PDXDC1: variants seen among roughly 807,000 people sequenced by gnomAD.
PDXDC1 encodes the protein pyridoxal dependent decarboxylase domain containing 1.
PDXDC1 carries 42 observed loss-of-function variants against 100.1 expected under a neutral mutation model. The observed-to-expected ratio is 0.42, with a 90% CI of 0.33 to 0.54. The LOEUF (loss-of-function observed/expected upper bound fraction) is 0.54. Among genes scored for constraint, PDXDC1 ranks in the 20% least tolerant of loss-of-function variants. The probability of loss-of-function intolerance (pLI) is 0.10; values close to 1 mark genes in which losing one functional copy is unlikely to be tolerated. For synonymous variants in PDXDC1, 260 were observed against 371.7 expected (o/e 0.70, Z 3.46); for missense variants, 636 against 979.2 (o/e 0.65, Z 4.68).
chr16:15,044,700 C>G (rs773144097), intron 16 of PDXDC1: 5 of 470,046 alleles, frequency 1.1e-5, no homozygotes, highest in Non-Finnish European at 1.9e-5. Context: ...AGCACAGGCA[C>G]AGGACAGGTG....
chr16:15,131,309 G>A, intron 16 of PDXDC1: 2 of 1,574,054 alleles, frequency 1.3e-6, no homozygotes, highest in Non-Finnish European at 1.7e-6. Flanking sequence ...GCCTGTGTCT[G>A]GAACGCCATC....
intron 16 of PDXDC1, among the ~76,000 whole-genome samples, chr16:15,073,465 A>G (rs1430265550): frequency 6.6e-6 from 1 of 152,222 alleles, no homozygotes; most frequent in Non-Finnish European, 1.5e-5. Flanking sequence ...TTTAAAAAAA[A>G]AAGAAAGACA....
intron 16 of PDXDC1, among the ~76,000 whole-genome samples, chr16:15,098,649 T>C (rs1474364687): frequency 6.6e-6 from 1 of 151,530 alleles, no homozygotes; most frequent in Admixed American, 6.6e-5. Context: ...GAGGCCAAGG[T>C]GGGTGGATCA....
chr16:15,088,330 G>A (rs2045988629), intron 16 of PDXDC1, among the ~76,000 whole-genome samples: 1 of 152,044 alleles, frequency 6.6e-6, no homozygotes, highest in African/African-American at 2.4e-5. Flanking sequence ...AGCCAGGCAT[G>A]GTAGCACATG....
At chr16:15,139,696 G>C (rs1020709020), downstream of PDXDC1, among the ~76,000 whole-genome samples, 1 of 152,102 alleles carries the variant, frequency 6.6e-6, no homozygotes, top group Non-Finnish European at 1.5e-5. Context: ...AAGAAGGATC[G>C]CTTGAGCCAG....
At chr16:14,988,339 G>A in intron 1 of PDXDC1, 1 of 1,614,130 alleles carries the variant, frequency 6.2e-7, no homozygotes, top group Non-Finnish European at 8.5e-7. Flanking sequence ...AGCTTGAAGA[G>A]GAAGAGGTGG....
chr16:15,078,345 C>T (rs544745230), intron 16 of PDXDC1, among the ~76,000 whole-genome samples: 16 of 152,120 alleles, frequency 1.1e-4, no homozygotes, highest in Non-Finnish European at 1.6e-4. Context: ...TCCTAAACCA[C>T]GCCTCTTAGC....
intron 16 of PDXDC1, chr16:15,074,636 T>G: frequency 2.1e-6 from 2 of 940,962 alleles, no homozygotes; most frequent in Non-Finnish European, 3.1e-6. Context: ...GGATTTTTAG[T>G]ATTACTAGAG....
intron 1 of PDXDC1, among the ~76,000 whole-genome samples, chr16:14,975,887 T>C (rs560333050): frequency 3.9e-5 from 6 of 152,246 alleles, no homozygotes; most frequent in Non-Finnish European, 7.3e-5. Context: ...CAGAAAGGGG[T>C]GGGTGTTGCG....
At chr16:14,990,303 C>T (rs1443734147) in intron 1 of PDXDC1, 3 of 195,302 alleles carry the variant, frequency 1.5e-5, no homozygotes, top group Non-Finnish European at 2.8e-5. Context: ...CAGCAGCCGC[C>T]ATCGCTGCTT....
At position 15,065,283 on chromosome 16, in the gene PDXDC1, A is replaced by G. The variant is rs371252947; in HGVS notation, c.1399+35227A>G. 484 of 1,613,788 alleles carry G rather than the reference A, an allele frequency of 3.0e-4. No homozygotes were observed. Among genetic ancestry groups the G allele is most frequent in the Non-Finnish European group, 4.0e-4 (475 of 1,179,836 alleles). On this transcript the variant is annotated intron_variant, in intron 16 of 16. Transcript: ENST00000535621. Reference sequence around the variant, plus strand: ...AGCGGGTTTGTGCAGATCTGCACTGAGTCTCCTCCAGCGGTACTCCTAATG... The same window carrying G: ...AGCGGGTTTGTGCAGATCTGCACTGGGTCTCCTCCAGCGGTACTCCTAATG...
rs1401519913 is a variant in PDXDC1, at chr16:15,036,972, G to C, written c.*697G>C. 1 of 152,296 alleles carries C rather than the reference G, an allele frequency of 6.6e-6. No homozygotes were observed. The highest frequency in any genetic ancestry group is 1.5e-5 in the Non-Finnish European group (1 of 68,160). The allele number at this position is 152,296 out of a possible 1,614,324, so 9.4% of individuals were successfully genotyped here. A position where few individuals can be genotyped will look rare whatever the true frequency, so the allele number is the denominator to read the frequency against. On this transcript the variant is annotated 3_prime_UTR_variant, in exon 23 of 23. Transcript: ENST00000396410. ...CCTGACCATATATTTTTAAATACTG[G>C]CAAAGCTTTTAAAATTGGCACACAA...
chr16:15,108,182 G>C (rs1388224641), intron 16 of PDXDC1: 1 of 829,644 alleles, frequency 1.2e-6, no homozygotes, highest in African/African-American at 1.8e-5. Context: ...CAGAGATTGA[G>C]GGCAGAAAAA....
chr16:15,077,340 G>T (rs2045504843), intron 16 of PDXDC1, among the ~76,000 whole-genome samples: 1 of 152,112 alleles, frequency 6.6e-6, no homozygotes, highest in Admixed American at 6.5e-5. Flanking sequence ...GGGGGGACTG[G>T]TGGGAGATAA....
chr16:15,143,940 CT>C (rs2048513891), downstream of PDXDC1, among the ~76,000 whole-genome samples: 1 of 152,212 alleles, frequency 6.6e-6, no homozygotes, highest in Non-Finnish European at 1.5e-5. Flanking sequence ...CCCGGCACCC[CT>C]GCCCGCGCTG....
At chr16:14,978,122 C>T (rs541040364) in intron 1 of PDXDC1, among the ~76,000 whole-genome samples, 2 of 151,642 alleles carry the variant, frequency 1.3e-5, no homozygotes, top group African/African-American at 4.9e-5. Context: ...ACAACAGTAT[C>T]AGTTTTCTTG....
At chr16:15,124,837 A>C (rs1363842594) in intron 16 of PDXDC1, among the ~76,000 whole-genome samples, 1 of 151,166 alleles carries the variant, frequency 6.6e-6, no homozygotes, top group Non-Finnish European at 1.5e-5. Flanking sequence ...TTCTTTTTAT[A>C]TGCTGCAGCC....
chr16:15,104,103 G>A (rs2046671446), intron 16 of PDXDC1, among the ~76,000 whole-genome samples: 1 of 46,712 alleles, frequency 2.1e-5, no homozygotes, highest in Non-Finnish European at 4.1e-5. Context: ...AGCCCAGGAG[G>A]TTGAGGCTGC....
chr16:15,134,934 G>A (rs1652901048), intron 16 of PDXDC1: 1 of 386,806 alleles, frequency 2.6e-6, no homozygotes, highest in South Asian at 2.2e-5. Flanking sequence ...CCAGAGTGGG[G>A]AGCGTGAGGG....
Sources: gnomAD v4.1 joint callset for allele counts (sites outside exome capture counted in the v4.1 genomes callset) on GRCh38, gnomAD v4.1.1 for gene constraint, MANE v1.5 for transcripts, NCBI Gene and HGNC (gene_info 2026-07-23, HGNC 2026-07-21) for gene names.